The following EPHA6 variants were observed in gnomAD, a reference collection of about 807,000 sequenced individuals.
The protein encoded by EPHA6 is ephrin type-A receptor 6.
Under a neutral mutation model 112.0 loss-of-function variants are expected in EPHA6, and 50 were observed. The ratio of observed to expected loss-of-function variants is 0.45; its 90% CI spans 0.36 to 0.56. EPHA6 has a LOEUF of 0.56. EPHA6 is among the 20% of genes least tolerant of loss of function. The pLI, the probability that EPHA6 is intolerant of heterozygous loss-of-function variation, is 0.00. For synonymous variants in EPHA6, 529 were observed against 490.7 expected, an observed-to-expected ratio of 1.08 and a Z score of -1.03; for missense variants, 1,280 against 1,417.4, an observed-to-expected ratio of 0.90 and a Z score of 1.56.
intron 11 of EPHA6, among the ~76,000 whole-genome samples, chr3:97,558,708 A>G (rs946848271): frequency 2.6e-5 from 4 of 152,066 alleles, no homozygotes; most frequent in African/African-American, 9.7e-5. Context: ...GCTTTTAGGA[A>G]GCAGTACAAG....
chr3:97,312,701 G>A (rs2108757105), intron 5 of EPHA6, among the ~76,000 whole-genome samples: 1 of 150,640 alleles, frequency 6.6e-6, no homozygotes, highest in African/African-American at 2.4e-5. Context: ...AAATGGAGTG[G>A]GATTTTATCC....
At chr3:97,050,834 C>G (rs981741269) in intron 3 of EPHA6, among the ~76,000 whole-genome samples, 1 of 152,044 alleles carries the variant, frequency 6.6e-6, no homozygotes, top group Admixed American at 6.6e-5. Context: ...AGAAGTTTAC[C>G]ATGAAATTAT....
At chr3:97,096,791 T>G (rs1469139125) in intron 3 of EPHA6, among the ~76,000 whole-genome samples, 1 of 151,944 alleles carries the variant, frequency 6.6e-6, no homozygotes, top group East Asian at 1.9e-4. Context: ...AAGTTAGTGC[T>G]TAATACAATA....
At position 97,754,426 on chromosome 3, in the gene EPHA6, GCT is replaced by G. The variant is rs1386014491; in HGVS notation, c.*5728_*5729del. Among the ~76,000 whole-genome samples the G allele has an allele frequency of 2.0e-5, 3 of 152,092 alleles. No individual in the cohort carries two copies. Among genetic ancestry groups the G allele is most frequent in the African/African-American group, 7.2e-5 (3 of 41,416 alleles). The stretch of plus-strand genomic sequence containing the variant: ...CTTAATGGAAAGACTTGGATTCTTT[GCT>G]CTTAATTCAAAAGAGTTTTTGTTTT... On this transcript the variant is annotated 3_prime_UTR_variant, in exon 18 of 18. Coordinates refer to ENST00000389672, the MANE Select transcript of EPHA6 (RefSeq NM_001080448.3).
At chr3:97,183,792 G>T (rs963470878) in intron 3 of EPHA6, among the ~76,000 whole-genome samples, 124 of 152,118 alleles carry the variant, frequency 8.2e-4, no homozygotes, top group African/African-American at 2.9e-3. Context: ...AATTTATTCA[G>T]ACTCCAGACC....
At chr3:97,232,509 A>T (rs775812212) in intron 4 of EPHA6, among the ~76,000 whole-genome samples, 1 of 152,176 alleles carries the variant, frequency 6.6e-6, no homozygotes, top group Non-Finnish European at 1.5e-5. Flanking sequence ...CACAAAATAT[A>T]TTAAGTCCTG....
intron 3 of EPHA6, among the ~76,000 whole-genome samples, chr3:97,116,941 AT>A (rs1559738608): frequency 6.6e-6 from 1 of 151,688 alleles, no homozygotes; most frequent in African/African-American, 2.4e-5. Flanking sequence ...ATTAATTTAC[AT>A]GTCTACCAAA....
intron 2 of EPHA6, among the ~76,000 whole-genome samples, chr3:96,926,304 C>G (rs1341641363): frequency 6.6e-6 from 1 of 152,126 alleles, no homozygotes; most frequent in Non-Finnish European, 1.5e-5. Context: ...CACCTCCCAC[C>G]AGGCCCCTTC....
intron 1 of EPHA6, among the ~76,000 whole-genome samples, chr3:96,834,314 T>C (rs552357036): frequency 6.6e-6 from 1 of 152,154 alleles, no homozygotes. Context: ...TGCCCATGCC[T>C]TTTCTCATTA....
chr3:97,726,793 C>T (rs1187576183), intron 15 of EPHA6, among the ~76,000 whole-genome samples: 2 of 152,006 alleles, frequency 1.3e-5, no homozygotes, highest in East Asian at 3.9e-4. Flanking sequence ...TGGTTCTTCC[C>T]TCCAACACTT....
At chr3:97,188,034 C>A (rs1026205180) in intron 3 of EPHA6, among the ~76,000 whole-genome samples, 58 of 152,232 alleles carry the variant, frequency 3.8e-4, no homozygotes, top group African/African-American at 1.4e-3. Flanking sequence ...GCTGTTGAAA[C>A]TATAAATTGA....
At chr3:97,274,414 T>C (rs2079997314) in intron 5 of EPHA6, among the ~76,000 whole-genome samples, 1 of 152,164 alleles carries the variant, frequency 6.6e-6, no homozygotes, top group Admixed American at 6.5e-5. Context: ...CCTTTGGAAG[T>C]AAAGCGGCCT....
At position 97,549,443 on chromosome 3, in the gene EPHA6, T is replaced by C. The variant is rs571972106; in HGVS notation, c.2386+16900T>C. ...CAGGCATGTCCCATTCCACCATAGC[T>C]ATGATCTTGAAGAATAAGAACAAAA... On this transcript the variant is annotated intron_variant, in intron 11 of 17. Coordinates refer to ENST00000389672, the MANE Select transcript of EPHA6 (RefSeq NM_001080448.3). Among the ~76,000 whole-genome samples, 13 of 152,300 alleles carry C rather than the reference T, an allele frequency of 8.5e-5. No homozygotes were observed. In the South Asian group the frequency reaches 2.7e-3, roughly 32 times the overall value.
chr3:97,109,925 A>T (rs1323276235), intron 3 of EPHA6, among the ~76,000 whole-genome samples: 1 of 152,126 alleles, frequency 6.6e-6, no homozygotes, highest in African/African-American at 2.4e-5. Context: ...CGGGATTAGA[A>T]GGGCTGGGTT....
At chr3:96,964,340 C>T (rs191692858) in intron 2 of EPHA6, among the ~76,000 whole-genome samples, 2 of 152,156 alleles carry the variant, frequency 1.3e-5, no homozygotes, top group Non-Finnish European at 2.9e-5. Flanking sequence ...TATGCAAGTC[C>T]TCTCTTGCCT....
chr3:97,200,615 G>A (rs764587995), intron 3 of EPHA6, among the ~76,000 whole-genome samples: 4 of 152,020 alleles, frequency 2.6e-5, no homozygotes, highest in Non-Finnish European at 4.4e-5. Context: ...TAGTTACACC[G>A]TGATTGACAG....
intron 4 of EPHA6, among the ~76,000 whole-genome samples, chr3:97,236,888 C>G (rs1576743285): frequency 1.3e-5 from 2 of 152,024 alleles, no homozygotes; most frequent in Admixed American, 1.3e-4. Flanking sequence ...TTCAGCTGCT[C>G]TAGCCACATC....
Position 97,756,895 on chromosome 3 carries a change from G to C in EPHA6, c.*8194G>C, listed in dbSNP as rs1157086987. On this transcript the variant is annotated 3_prime_UTR_variant, in exon 18 of 18. Coordinates refer to ENST00000389672, the MANE Select transcript of EPHA6 (RefSeq NM_001080448.3). ...CATTGAAAAACATTGAATATATACA[G>C]GATATAAATATCTTTGGGATATTTT... Among the ~76,000 whole-genome samples, 1 of 151,626 alleles carries C rather than the reference G, an allele frequency of 6.6e-6. No individual in the cohort carries two copies. The highest frequency in any genetic ancestry group is 1.5e-5 in the Non-Finnish European group (1 of 67,700).
intron 2 of EPHA6, among the ~76,000 whole-genome samples, chr3:96,977,012 G>A (rs1304813907): frequency 6.6e-6 from 1 of 152,172 alleles, no homozygotes; most frequent in South Asian, 2.1e-4. Flanking sequence ...TGTGAAGTCT[G>A]TCAGGGTGTG....
Sources: allele counts gnomAD v4.1 joint callset (sites outside exome capture counted in the v4.1 genomes callset), GRCh38; gene constraint gnomAD v4.1.1; transcripts MANE v1.5; gene names NCBI Gene and HGNC (gene_info 2026-07-23, HGNC 2026-07-21).